ASPH: variants seen among roughly 807,000 people sequenced by gnomAD.
ASPH encodes aspartate beta-hydroxylase, also known as aspartyl/asparaginyl beta-hydroxylase.
In ASPH, 100 loss-of-function variants were observed where a neutral mutation model predicts 118.4. That is an observed-to-expected ratio of 0.84 (90% CI 0.72 to 1.00). The LOEUF (loss-of-function observed/expected upper bound fraction) is 1.00, where lower values mean the gene tolerates loss of function less well. Ranked by LOEUF, ASPH falls within the 50% of genes least tolerant of loss-of-function variation. ASPH has a pLI of 0.00. For synonymous variants in ASPH, 315 were observed against 325.6 expected (o/e 0.97, Z 0.35); for missense variants, 920 against 919.5 (o/e 1.00, Z -0.01).
At chr8:61,673,659 T>C (rs1448083428) in intron 3 of ASPH, among the ~76,000 whole-genome samples, 3 of 152,208 alleles carry the variant, frequency 2.0e-5, no homozygotes, top group Admixed American at 2.0e-4. Context: ...AAAAGACTTA[T>C]ATTATGAAAC....
chr8:61,524,848 GTGATGCATAAGGATGTTAA>G lies in ASPH; in HGVS notation c.1900+1110_1900+1128del, dbSNP rs535410493. Reference sequence around the variant, plus strand: ...TGCTCTAGGAGGCCCAGTAGGTTCTGTGATGCATAAGGATGTTAATGGAATCAAAGTACAAGGTGAACAC... The same window carrying G: ...TGCTCTAGGAGGCCCAGTAGGTTCTGTGGAATCAAAGTACAAGGTGAACAC... On this transcript the variant is annotated intron_variant, in intron 22 of 24. Coordinates refer to ENST00000379454, the MANE Select transcript of ASPH (RefSeq NM_004318.4). 4.7e-3 allele frequency among the ~76,000 whole-genome samples: 712 copies of G among 151,766 alleles called. 3 individuals carry two copies. Among genetic ancestry groups the G allele is most frequent in the Non-Finnish European group, 7.8e-3 (528 of 67,976 alleles).
chr8:61,618,116 T>C (rs1465899944), intron 14 of ASPH, among the ~76,000 whole-genome samples: 1 of 152,124 alleles, frequency 6.6e-6, no homozygotes, highest in Non-Finnish European at 1.5e-5. Context: ...AGAAAAGTTT[T>C]CATGAATTAA....
intron 4 of ASPH, among the ~76,000 whole-genome samples, chr8:61,652,966 G>A (rs1384758947): frequency 1.3e-5 from 2 of 152,228 alleles, no homozygotes; most frequent in African/African-American, 4.8e-5. Context: ...CTTTCAATAG[G>A]TGGCATAAGA....
At chr8:61,553,168 T>G (rs1470806660) in intron 19 of ASPH, 48 bp from the exon 20 acceptor site, 1 of 1,385,334 alleles carries the variant, frequency 7.2e-7, no homozygotes, top group Non-Finnish European at 1.0e-6. Context: ...AAATACCAGA[T>G]TCCATTAATT....
chr8:61,546,240 G>A (rs184573464), intron 21 of ASPH, among the ~76,000 whole-genome samples: 10 of 152,314 alleles, frequency 6.6e-5, no homozygotes, highest in African/African-American at 1.9e-4. Flanking sequence ...ATACTGCCCC[G>A]AAGTCTGCCC....
chr8:61,663,337 T>G, intron 3 of ASPH: 1 of 985,362 alleles, frequency 1.0e-6, no homozygotes, highest in Non-Finnish European at 1.2e-6. Context: ...GTCCCAGATG[T>G]TCACCAGGCC....
intron 1 of ASPH, 94 bp downstream of exon 1, chr8:61,714,175 G>C: frequency 1.6e-6 from 2 of 1,277,102 alleles, no homozygotes; most frequent in African/African-American, 1.6e-5. Context: ...GCGCGCGGTG[G>C]GACCTGGGGA....
chr8:61,552,997 G>C, intron 20 of ASPH, 34 bp downstream of exon 20: 1 of 1,497,846 alleles, frequency 6.7e-7, no homozygotes, highest in Non-Finnish European at 9.3e-7. Flanking sequence ...TCCATCCTCT[G>C]TTAGAGAGAA....
At position 61,642,929 on chromosome 8, in the gene ASPH, A is replaced by T. The variant is rs1319461814; in HGVS notation, c.758-9T>A. 1 of 1,565,848 alleles carries T rather than the reference A, an allele frequency of 6.4e-7. No homozygotes were observed. The highest frequency in any genetic ancestry group is 8.6e-7 in the Non-Finnish European group (1 of 1,164,718). ...TTGGTATGTTACATCATCTGAAAAA[A>T]AAAAGAGAATAAAAGCAAAATAAGT... On this transcript the variant is annotated splice_polypyrimidine_tract_variant and intron_variant, in intron 9 of 24. Coordinates refer to ENST00000379454, the MANE Select transcript of ASPH (RefSeq NM_004318.4).
At chr8:61,578,212 C>T (rs1835997826) in intron 15 of ASPH, 8 of 1,571,166 alleles carry the variant, frequency 5.1e-6, no homozygotes, top group African/African-American at 2.7e-5. Context: ...TCCACTCCTG[C>T]CTCCACCATG....
chr8:61,633,656 G>A (rs749507112), intron 13 of ASPH, 27 bp downstream of exon 13: 1 of 1,572,762 alleles, frequency 6.4e-7, no homozygotes, highest in East Asian at 2.3e-5. Context: ...AACAAAAGAG[G>A]AAAATACAAC....
chr8:61,607,829 G>A (rs1212145893), intron 14 of ASPH, among the ~76,000 whole-genome samples: 1 of 152,162 alleles, frequency 6.6e-6, no homozygotes, highest in African/African-American at 2.4e-5. Flanking sequence ...AGCAATATTT[G>A]TTCAGTAAAT....
intron 3 of ASPH, among the ~76,000 whole-genome samples, chr8:61,654,916 G>A (rs999727434): frequency 2.0e-5 from 3 of 152,176 alleles, no homozygotes; most frequent in Admixed American, 1.3e-4. Context: ...AGGGGGTAGA[G>A]ATGAAGGCCT....
intron 24 of ASPH, among the ~76,000 whole-genome samples, chr8:61,510,212 C>T (rs1250461941): frequency 6.6e-6 from 1 of 152,176 alleles, no homozygotes; most frequent in Non-Finnish European, 1.5e-5. Flanking sequence ...CATACTTTTA[C>T]TCTTCCTAAT....
intron 12 of ASPH, among the ~76,000 whole-genome samples, chr8:61,637,542 A>C (rs114886661): frequency 2.0e-5 from 3 of 152,278 alleles, no homozygotes; most frequent in South Asian, 2.1e-4. Context: ...ACCAAAAAAA[A>C]AAAAATTTGT....
intron 14 of ASPH, chr8:61,607,224 C>T: frequency 1.4e-6 from 1 of 696,068 alleles, no homozygotes; most frequent in South Asian, 1.5e-5. Context: ...ATTCAGTTCC[C>T]CCTTCCATTC....
chr8:61,630,359 T>C (rs1026795577), intron 13 of ASPH, among the ~76,000 whole-genome samples: 1 of 152,110 alleles, frequency 6.6e-6, no homozygotes, highest in Non-Finnish European at 1.5e-5. Flanking sequence ...GTTCCTACAA[T>C]CAGATGCAAA....
At chr8:61,657,429 C>T (rs1814309784) in intron 3 of ASPH, 1 of 152,138 alleles carries the variant, frequency 6.6e-6, no homozygotes, top group South Asian at 2.1e-4. Flanking sequence ...TATGCAACAT[C>T]CTATTGTTCC....
intron 14 of ASPH, among the ~76,000 whole-genome samples, chr8:61,602,409 GA>G (rs1234739794): frequency 3.3e-5 from 5 of 150,918 alleles, no homozygotes; most frequent in Admixed American, 6.6e-5. Context: ...ACCAATTCCT[GA>G]AAAAAAACTT....
Sources: allele counts gnomAD v4.1 joint callset (sites outside exome capture counted in the v4.1 genomes callset), GRCh38; gene constraint gnomAD v4.1.1; transcripts MANE v1.5; gene names NCBI Gene and HGNC (gene_info 2026-07-23, HGNC 2026-07-21).